Variants in CSMD3 observed in about 807,000 individuals in gnomAD.
CSMD3 encodes the protein CUB and Sushi multiple domains 3, also known as CUB and sushi domain-containing protein 3.
Under a neutral mutation model 435.2 loss-of-function variants are expected in CSMD3, and 177 were observed. The ratio of observed to expected loss-of-function variants is 0.41; its 90% CI spans 0.36 to 0.46. The LOEUF (loss-of-function observed/expected upper bound fraction) is 0.46. CSMD3 is among the 20% of genes least tolerant of loss of function. The pLI is 0.34. For missense variants in CSMD3, 4,265 were observed against 4,504.6 expected, an observed-to-expected ratio of 0.95 and a Z score of 1.52; for synonymous variants, 1,656 against 1,520.5, an observed-to-expected ratio of 1.09 and a Z score of -2.07.
At chr8:112,235,661 A>G (rs1813505286) in intron 67 of CSMD3, among the ~76,000 whole-genome samples, 1 of 152,190 alleles carries the variant, frequency 6.6e-6, no homozygotes. Context: ...ACTTGACTGT[A>G]TTCATTCATT....
At chr8:112,604,974 A>G (rs1832678632) in intron 22 of CSMD3, among the ~76,000 whole-genome samples, 1 of 152,186 alleles carries the variant, frequency 6.6e-6, no homozygotes, top group African/African-American at 2.4e-5. Context: ...GGCAAAGGAC[A>G]TGAACAGACA....
In CSMD3 at chr8:112,418,869, T is replaced by C. The variant is rs896693965; in HGVS notation, c.5396-9837A>G. 2.6e-5 allele frequency among the ~76,000 whole-genome samples: 4 copies of C among 152,204 alleles called. No individual in the cohort carries two copies. In the East Asian group the frequency reaches 7.7e-4, roughly 29 times the overall value. On this transcript the variant is annotated intron_variant, in intron 32 of 70. Coordinates refer to ENST00000297405, the MANE Select transcript of CSMD3 (RefSeq NM_198123.2). ...CACAAGTGGAAAATTTCACACCCAA[T>C]GTCATGTGACGGTCACAAATATTAT... is the stretch of plus-strand genomic sequence containing the variant.
intron 3 of CSMD3, among the ~76,000 whole-genome samples, chr8:113,239,145 T>C (rs563135159): frequency 7.9e-5 from 12 of 152,164 alleles, no homozygotes; most frequent in Admixed American, 2.0e-4. Context: ...AACTGAAACA[T>C]TGGTTGCCTG....
intron 69 of CSMD3, among the ~76,000 whole-genome samples, chr8:112,231,308 T>C (rs1204412768): frequency 6.6e-6 from 1 of 152,214 alleles, no homozygotes; most frequent in Non-Finnish European, 1.5e-5. Flanking sequence ...AGCCAGTTTG[T>C]CATATTTATT....
At chr8:113,212,139 T>C (rs1415821425) in intron 3 of CSMD3, among the ~76,000 whole-genome samples, 1 of 152,146 alleles carries the variant, frequency 6.6e-6, no homozygotes, top group Non-Finnish European at 1.5e-5. Flanking sequence ...TGGAGTAAGA[T>C]AAAGATTCTA....
chr8:113,057,167 A>G (rs769706995), intron 5 of CSMD3, among the ~76,000 whole-genome samples: 21 of 152,104 alleles, frequency 1.4e-4, no homozygotes, highest in African/African-American at 5.1e-4. Context: ...GGCCCTCCCT[A>G]CTGCAGTTCA....
At chr8:112,802,886 TG>T (rs1186785778) in intron 12 of CSMD3, among the ~76,000 whole-genome samples, 1 of 152,062 alleles carries the variant, frequency 6.6e-6, no homozygotes, top group Non-Finnish European at 1.5e-5. Context: ...TGAGTATGCA[TG>T]GGTAATCTGG....
intron 32 of CSMD3, among the ~76,000 whole-genome samples, chr8:112,471,550 A>G (rs902056384): frequency 6.6e-6 from 1 of 152,166 alleles, no homozygotes; most frequent in Non-Finnish European, 1.5e-5. Context: ...AAGGTTTAGT[A>G]CTACATTTCT....
chr8:112,610,416 G>A (rs187433811), intron 22 of CSMD3, among the ~76,000 whole-genome samples: 123 of 151,548 alleles, frequency 8.1e-4, no homozygotes, highest in Non-Finnish European at 1.6e-3. Flanking sequence ...CTGTTCTTTG[G>A]GTCTCAAATA....
intron 6 of CSMD3, among the ~76,000 whole-genome samples, chr8:112,978,525 C>G (rs1381792244): frequency 1.3e-5 from 2 of 151,936 alleles, no homozygotes; most frequent in East Asian, 1.9e-4. Flanking sequence ...AGACCCAGGA[C>G]TTTCTAGCAG....
intron 13 of CSMD3, among the ~76,000 whole-genome samples, chr8:112,753,636 C>T (rs2077624676): frequency 6.6e-6 from 1 of 152,142 alleles, no homozygotes; most frequent in Non-Finnish European, 1.5e-5. Flanking sequence ...AAGATCTTTT[C>T]ATGGAAAGAA....
At chr8:113,186,401 T>C (rs1289611260) in intron 3 of CSMD3, among the ~76,000 whole-genome samples, 1 of 152,042 alleles carries the variant, frequency 6.6e-6, no homozygotes, top group Admixed American at 6.6e-5. Flanking sequence ...TACTTTTACC[T>C]TGTTTAGTCA....
At chr8:112,672,181 T>C (rs926683085) in intron 16 of CSMD3, among the ~76,000 whole-genome samples, 3 of 151,952 alleles carry the variant, frequency 2.0e-5, no homozygotes, top group Non-Finnish European at 4.4e-5. Context: ...GTAGGAGATG[T>C]TGTCAAAGAA....
chr8:112,332,347 A>T (rs1824148738), intron 45 of CSMD3, among the ~76,000 whole-genome samples: 1 of 152,170 alleles, frequency 6.6e-6, no homozygotes, highest in Non-Finnish European at 1.5e-5. Flanking sequence ...TAAATAACTG[A>T]AGATGAGTTA....
intron 19 of CSMD3, among the ~76,000 whole-genome samples, chr8:112,649,314 T>C (rs1042588985): frequency 6.6e-6 from 1 of 152,268 alleles, no homozygotes; most frequent in Non-Finnish European, 1.5e-5. Flanking sequence ...TAAAGGAAGA[T>C]GTTTTGATGA....
chr8:112,246,278 T>C lies in CSMD3; in HGVS notation c.10222+742A>G, dbSNP rs993537510. ...AGAGTAAATTCACAGGGCTTGTGTA[T>C]GCTTCAGCAAATCCTAAAAGCTAGA... On this transcript the variant is annotated intron_variant, in intron 64 of 70. Coordinates refer to ENST00000297405, the MANE Select transcript of CSMD3 (RefSeq NM_198123.2). 3.9e-5 allele frequency among the ~76,000 whole-genome samples: 6 copies of C among 152,334 alleles called. No individual in the cohort carries two copies. In the South Asian group the frequency reaches 1.2e-3, roughly 32 times the overall value.
At chr8:113,121,749 A>C (rs1281661741) in intron 4 of CSMD3, among the ~76,000 whole-genome samples, 1 of 152,156 alleles carries the variant, frequency 6.6e-6, no homozygotes, top group Non-Finnish European at 1.5e-5. Context: ...TTCTGAAAAA[A>C]AATGGGGATT....
At chr8:113,197,788 C>A (rs1224851714) in intron 3 of CSMD3, among the ~76,000 whole-genome samples, 1 of 150,940 alleles carries the variant, frequency 6.6e-6, no homozygotes, top group Admixed American at 6.6e-5. Flanking sequence ...TTATGACAAT[C>A]TTAATAGTTC....
chr8:112,848,516 A>G (rs933773668), intron 11 of CSMD3, among the ~76,000 whole-genome samples: 11 of 152,066 alleles, frequency 7.2e-5, no homozygotes, highest in Non-Finnish European at 1.6e-4. Flanking sequence ...ACATATCTCA[A>G]TATATGTATA....
Sources: gnomAD v4.1 joint callset for allele counts (sites outside exome capture counted in the v4.1 genomes callset) on GRCh38, gnomAD v4.1.1 for gene constraint, MANE v1.5 for transcripts, NCBI Gene and HGNC (gene_info 2026-07-23, HGNC 2026-07-21) for gene names.